Variants in ITGB8 observed in about 807,000 individuals in gnomAD.
ITGB8 encodes integrin beta-8.
Under a neutral mutation model 89.5 loss-of-function variants are expected in ITGB8, and 30 were observed. The observed-to-expected ratio is 0.34, with a 90% CI of 0.25 to 0.45. The LOEUF is 0.45. Among genes scored for constraint, ITGB8 ranks in the 20% least tolerant of loss-of-function variants. ITGB8 has a pLI of 1.00. For synonymous variants in ITGB8, 335 were observed against 320.4 expected, an observed-to-expected ratio of 1.05 and a Z score of -0.49; for missense variants, 836 against 933.3, an observed-to-expected ratio of 0.90 and a Z score of 1.36.
At chr7:20,346,681 G>A (rs1035449755) in intron 1 of ITGB8, 1 of 984,988 alleles carries the variant, frequency 1.0e-6, no homozygotes, top group African/African-American at 1.7e-5. Flanking sequence ...AAAGCAACGT[G>A]GACTTTCTCT....
chr7:20,384,879 T>C (rs565752809), intron 6 of ITGB8, among the ~76,000 whole-genome samples: 5 of 152,202 alleles, frequency 3.3e-5, no homozygotes, highest in Non-Finnish European at 5.9e-5. Flanking sequence ...GATGTTACAC[T>C]ATTGAATAAA....
Position 20,407,404 on chromosome 7 carries a change from T to G in ITGB8, c.2023+1233T>G, listed in dbSNP as rs1402997541. Among the ~76,000 whole-genome samples, 8 of 152,002 alleles carry G rather than the reference T, an allele frequency of 5.3e-5. No individual in the cohort carries two copies. The East Asian group carries it at 1.5e-3, about 29-fold the overall frequency. On this transcript the variant is annotated intron_variant, in intron 12 of 13. Coordinates refer to ENST00000222573, the MANE Select transcript of ITGB8 (RefSeq NM_002214.3). Reference sequence around the variant, plus strand: ...AAAAGTTATTTAGAACCCAGAACCTTACTTTGCACAGGGGTAAGGTGTGGA... The same window carrying G: ...AAAAGTTATTTAGAACCCAGAACCTGACTTTGCACAGGGGTAAGGTGTGGA...
intron 3 of ITGB8, among the ~76,000 whole-genome samples, chr7:20,373,489 G>C (rs751040925): frequency 6.6e-6 from 1 of 152,098 alleles, no homozygotes; most frequent in East Asian, 1.9e-4. Flanking sequence ...TTTCAAACTT[G>C]GTTCGTTTTA....
chr7:20,376,363 A>T (rs899296554), intron 3 of ITGB8, among the ~76,000 whole-genome samples: 3 of 152,034 alleles, frequency 2.0e-5, no homozygotes, highest in Non-Finnish European at 2.9e-5. Context: ...ACCCTATTCC[A>T]TTTCTCCTCC....
At chr7:20,337,838 C>A (rs1344482717) in intron 1 of ITGB8, among the ~76,000 whole-genome samples, 3 of 152,168 alleles carry the variant, frequency 2.0e-5, no homozygotes, top group Non-Finnish European at 4.4e-5. Context: ...TCTGTCACCC[C>A]CTCTAGATCA....
In ITGB8 at chr7:20,409,856, A is replaced by G. The variant is rs7807986; in HGVS notation, c.2188-19A>G. ...ATATTTAGGCCCTTAGTTAATAATAATATTTCTTCTCTATTAAGGATAAGT... is the reference window on the plus strand; with the variant it reads ...ATATTTAGGCCCTTAGTTAATAATAGTATTTCTTCTCTATTAAGGATAAGT... On this transcript the variant is annotated intron_variant, in intron 13 of 13. Transcript: ENST00000222573. 1.1e-3 allele frequency: 1,742 copies of G among 1,611,924 alleles called. 11 individuals carry two copies. The African/African-American group carries it at 0.02, about 19-fold the overall frequency.
At chr7:20,372,247 G>T (rs1311597458) in intron 3 of ITGB8, among the ~76,000 whole-genome samples, 1 of 152,076 alleles carries the variant, frequency 6.6e-6, no homozygotes, top group African/African-American at 2.4e-5. Context: ...AATGAGTTTA[G>T]CTTGTTCTTT....
intron 1 of ITGB8, among the ~76,000 whole-genome samples, chr7:20,348,860 CA>C (rs1160139324): frequency 6.6e-6 from 1 of 152,086 alleles, no homozygotes; most frequent in Non-Finnish European, 1.5e-5. Flanking sequence ...AACATTTCCC[CA>C]AGGAATGATG....
chr7:20,346,882 C>A (rs1482795854), intron 1 of ITGB8: 1 of 981,906 alleles, frequency 1.0e-6, no homozygotes, highest in African/African-American at 1.8e-5. Context: ...TTTGTTAGAA[C>A]TTTATGCTAT....
rs1481131099 is a variant in ITGB8, at chr7:20,331,468, A to G, written c.-339A>G. 1.2e-5 allele frequency: 5 copies of G among 415,082 alleles called. No homozygotes were observed. The highest frequency in any genetic ancestry group is 2.1e-5 in the African/African-American group (1 of 48,634). The allele number at this position is 415,082 out of a possible 1,614,324, so 25.7% of individuals were successfully genotyped here. ...GAAGCCCCACCGGCTGGAGAGAAAC[A>G]AAAGCTCTTTTCTTTGTCCCGGAGC... On this transcript the variant is annotated 5_prime_UTR_variant, in exon 1 of 14. Coordinates refer to ENST00000222573, the MANE Select transcript of ITGB8 (RefSeq NM_002214.3).
At chr7:20,362,160 C>A (rs1368744162) in intron 1 of ITGB8, among the ~76,000 whole-genome samples, 1 of 152,252 alleles carries the variant, frequency 6.6e-6, no homozygotes, top group East Asian at 1.9e-4. Context: ...TACTACCTTC[C>A]CCTCTCATCC....
Position 20,331,919 on chromosome 7 carries a change from G to A in ITGB8, c.113G>A (p.Gly38Glu), listed in dbSNP as rs756743474. The change falls in exon 1 of 14, where the codon GGA becomes GAA. Residue 38 changes from glycine to glutamate, a missense_variant. Gly to Glu is a moderately conservative substitution (Grantham distance 98). Around this residue, in one of 5 missense-constraint regions of ITGB8, gnomAD observed 182 missense variants for 177.0 expected, o/e 1.03. Transcript: ENST00000222573. ...WAAWVFSLVL[G>E]LGQGEDNRCA... Reference sequence around the variant, plus strand: ...GCCTGGGTGTTTTCACTTGTTCTTGGACTGGGCCAAGGTGGTAAGTTGTTT... The same window carrying A: ...GCCTGGGTGTTTTCACTTGTTCTTGAACTGGGCCAAGGTGGTAAGTTGTTT... 9 of 1,614,078 alleles carry A rather than the reference G, an allele frequency of 5.6e-6. No homozygotes were observed. The highest frequency in any genetic ancestry group is 1.3e-5 in the African/African-American group (1 of 74,958).
intron 8 of ITGB8, among the ~76,000 whole-genome samples, chr7:20,397,862 CAAGTA>C (rs1787150989): frequency 6.6e-6 from 1 of 152,108 alleles, no homozygotes; most frequent in African/African-American, 2.4e-5. Flanking sequence ...AGAAATCACT[CAAGTA>C]AAGAATTAGA....
At chr7:20,398,302 A>G (rs995573462) in intron 8 of ITGB8, among the ~76,000 whole-genome samples, 4 of 152,196 alleles carry the variant, frequency 2.6e-5, no homozygotes, top group African/African-American at 9.7e-5. Flanking sequence ...TTATAGAACT[A>G]TATCTGTCCA....
At chr7:20,331,974 A>G (rs1394038180) in intron 1 of ITGB8, 41 bp downstream of exon 1, 2 of 1,602,810 alleles carry the variant, frequency 1.2e-6, no homozygotes, top group African/African-American at 2.7e-5. Context: ...CTCTTCCCCA[A>G]AGGTCTTGGG....
chr7:20,358,974 G>C (rs1300065383), intron 1 of ITGB8, among the ~76,000 whole-genome samples: 1 of 152,146 alleles, frequency 6.6e-6, no homozygotes, highest in African/African-American at 2.4e-5. Context: ...TCGGTTTTCT[G>C]TTTCTGAGTT....
chr7:20,332,026 A>G (rs1784419864), intron 1 of ITGB8, 93 bp downstream of exon 1: 1 of 1,524,182 alleles, frequency 6.6e-7, no homozygotes, highest in African/African-American at 1.4e-5. Flanking sequence ...CCGGCCAGGT[A>G]AGTTGCGGTC....
intron 1 of ITGB8, among the ~76,000 whole-genome samples, chr7:20,336,518 A>G (rs1317671121): frequency 6.6e-6 from 1 of 152,206 alleles, no homozygotes; most frequent in African/African-American, 2.4e-5. Flanking sequence ...AAACAAATAA[A>G]CAGGAGCAGA....
chr7:20,370,908 C>T (rs1484685755), intron 3 of ITGB8, among the ~76,000 whole-genome samples: 3 of 152,122 alleles, frequency 2.0e-5, no homozygotes, highest in Non-Finnish European at 4.4e-5. Flanking sequence ...GCCATCGAGC[C>T]CGGCCTAAAC....
Sources: gnomAD v4.1 joint callset for allele counts (sites outside exome capture counted in the v4.1 genomes callset) on GRCh38, gnomAD v4.1.1 for gene constraint, gnomAD v4.1.1 regional missense constraint, MANE v1.5 for transcripts, NCBI Gene and HGNC (gene_info 2026-07-23, HGNC 2026-07-21) for gene names.